The following R3HDM2 variants were observed in gnomAD, a reference collection of about 807,000 sequenced individuals.
The protein encoded by R3HDM2 is R3H domain containing 2.
In R3HDM2, 38 loss-of-function variants were observed where a neutral mutation model predicts 124.5. The observed-to-expected ratio is 0.31, with a 90% CI of 0.24 to 0.40. R3HDM2 has a LOEUF of 0.40. R3HDM2 is among the 10% of genes least tolerant of loss of function. The pLI is 1.00. For synonymous variants in R3HDM2, 391 were observed against 448.0 expected, an observed-to-expected ratio of 0.87 and a Z score of 1.61; for missense variants, 869 against 1,236.9, an observed-to-expected ratio of 0.70 and a Z score of 4.46.
At chr12:57,303,603 A>C (rs928855302) in intron 3 of R3HDM2, among the ~76,000 whole-genome samples, 2 of 151,784 alleles carry the variant, frequency 1.3e-5, no homozygotes, top group African/African-American at 4.8e-5. Context: ...AAAACCAAAA[A>C]GACAAAGAAA....
At chr12:57,358,699 T>C (rs895077084) in intron 2 of R3HDM2, among the ~76,000 whole-genome samples, 1 of 151,850 alleles carries the variant, frequency 6.6e-6, no homozygotes, top group Non-Finnish European at 1.5e-5. Context: ...GCCCAAGATA[T>C]GGTCTATTTT....
Position 57,323,278 on chromosome 12 carries a change from C to G in R3HDM2, c.-35-12815G>C, listed in dbSNP as rs983316544. On this transcript the variant is annotated intron_variant, in intron 2 of 23. Transcript: ENST00000402412. The stretch of plus-strand genomic sequence containing the variant: ...TGCCTAACAGCCGTTTGGAGAAGGA[C>G]AGGAAGGAAGGTCCTACTGAGTTAT... Among the ~76,000 whole-genome samples the G allele has an allele frequency of 2.0e-5, 3 of 152,238 alleles. No individual in the cohort carries two copies. In the East Asian group the frequency reaches 5.8e-4, roughly 29 times the overall value.
chr12:57,418,621 C>T (rs980534666), intron 1 of R3HDM2, among the ~76,000 whole-genome samples: 1 of 149,258 alleles, frequency 6.7e-6, no homozygotes, highest in African/African-American at 2.5e-5. Context: ...TACAGTGGTG[C>T]GATCTCAGCT....
At chr12:57,332,547 G>C (rs2058349615) in intron 2 of R3HDM2, among the ~76,000 whole-genome samples, 1 of 151,986 alleles carries the variant, frequency 6.6e-6, no homozygotes. Context: ...TTCAGATCAG[G>C]ATGGCTTTCC....
intron 2 of R3HDM2, among the ~76,000 whole-genome samples, chr12:57,364,143 C>CTTTTTTTTTTTTTTTTTTTTTT: frequency 1.2e-5 from 1 of 81,670 alleles, no homozygotes. Context: ...GACTCGGTGT[C>CTTTTTTTTTTTTTTTTTTTTTT]TTTTTTTTTT....
At chr12:57,412,072 C>T (rs2069055447) in intron 1 of R3HDM2, among the ~76,000 whole-genome samples, 1 of 152,148 alleles carries the variant, frequency 6.6e-6, no homozygotes, top group African/African-American at 2.4e-5. Flanking sequence ...CCTGGCCATT[C>T]GAAACTGTGA....
In R3HDM2 at chr12:57,310,399, G is replaced by A. The variant is rs745987933; in HGVS notation, c.30C>T (p.Thr10=). The part of the protein sequence containing the change: MSNSNTTQE[T]LEIMKESEKK... ...TTTCTGATTCTTTCATTATTTCCAG[G>A]GTCTCTTGAGTAGTGTTACTGTTAG... The change falls in exon 3 of 24, where the codon ACC becomes ACT. Residue 10 remains threonine (T), a synonymous_variant. Transcript: ENST00000402412. The A allele has an allele frequency of 1.3e-6, 2 of 1,546,218 alleles. No homozygotes were observed. The highest frequency in any genetic ancestry group is 2.4e-5 in the South Asian group (2 of 83,248).
At chr12:57,328,608 G>A (rs953012199) in intron 2 of R3HDM2, among the ~76,000 whole-genome samples, 6 of 152,164 alleles carry the variant, frequency 3.9e-5, no homozygotes, top group Non-Finnish European at 8.8e-5. Context: ...TGCAATCATA[G>A]TGTCCCACAG....
At chr12:57,398,089 G>A (rs2067730953) in intron 1 of R3HDM2, among the ~76,000 whole-genome samples, 1 of 151,666 alleles carries the variant, frequency 6.6e-6, no homozygotes, top group Admixed American at 6.6e-5. Flanking sequence ...GGCTGAAGCA[G>A]GAAATCGCTT....
chr12:57,413,332 G>A lies in R3HDM2; in HGVS notation c.-106+17388C>T, dbSNP rs985287615. On this transcript the variant is annotated intron_variant, in intron 1 of 23. Transcript: ENST00000402412. Reference sequence around the variant, plus strand: ...GTTAAGGCTAGGCATGGTAGCTCATGTCTGTACTCCCAACACTTTGGGATG... The same window carrying A: ...GTTAAGGCTAGGCATGGTAGCTCATATCTGTACTCCCAACACTTTGGGATG... 1.5e-4 allele frequency among the ~76,000 whole-genome samples: 22 copies of A among 150,702 alleles called. 1 individual carries two copies. Among genetic ancestry groups the A allele is most frequent in the Non-Finnish European group, 2.9e-5 (2 of 67,884 alleles).
At chr12:57,336,564 C>T (rs2058870630) in intron 2 of R3HDM2, among the ~76,000 whole-genome samples, 1 of 152,100 alleles carries the variant, frequency 6.6e-6, no homozygotes, top group Non-Finnish European at 1.5e-5. Context: ...AAGGCAGGAA[C>T]AGAAAACCAA....
intron 2 of R3HDM2, among the ~76,000 whole-genome samples, chr12:57,381,344 G>A (rs1305388428): frequency 6.6e-6 from 1 of 152,054 alleles, no homozygotes; most frequent in Non-Finnish European, 1.5e-5. Flanking sequence ...ACAAGGTCAG[G>A]AGTTTAAGAC....
chr12:57,321,537 A>G (rs2056444939), intron 2 of R3HDM2, among the ~76,000 whole-genome samples: 1 of 152,142 alleles, frequency 6.6e-6, no homozygotes, highest in Non-Finnish European at 1.5e-5. Flanking sequence ...CTGTAATCCC[A>G]GCTACTCGGG....
intron 2 of R3HDM2, among the ~76,000 whole-genome samples, chr12:57,357,482 T>C (rs955337856): frequency 6.6e-5 from 10 of 151,178 alleles, no homozygotes; most frequent in Non-Finnish European, 1.3e-4. Flanking sequence ...AAAAAAGGAA[T>C]GGTTCATGAT....
At position 57,363,746 on chromosome 12, in the gene R3HDM2, C is replaced by T. The variant is rs145370948; in HGVS notation, c.-36+32003G>A. On this transcript the variant is annotated intron_variant, in intron 2 of 23. Transcript: ENST00000402412. ...AAAAGGCTGAGTGTAGAGGCATGTG[C>T]CTATATTCCCAGCTACTTAGGAGGC... Among the ~76,000 whole-genome samples the T allele has an allele frequency of 9.9e-5, 15 of 151,910 alleles. No homozygotes were observed. The East Asian group carries it at 2.3e-3, about 24-fold the overall frequency.
At chr12:57,333,028 G>A (rs528974896) in intron 2 of R3HDM2, among the ~76,000 whole-genome samples, 18 of 152,256 alleles carry the variant, frequency 1.2e-4, no homozygotes, top group African/African-American at 3.6e-4. Flanking sequence ...GAAGGGAAAC[G>A]CAAAACTCTT....
At chr12:57,420,227 T>C (rs2070056800) in intron 1 of R3HDM2, among the ~76,000 whole-genome samples, 1 of 152,218 alleles carries the variant, frequency 6.6e-6, no homozygotes, top group Non-Finnish European at 1.5e-5. Context: ...GTTTGTCATC[T>C]TAAAAAACTC....
At chr12:57,303,092 A>G (rs1420308145) in intron 4 of R3HDM2, 84 bp downstream of exon 4, 6 of 1,302,098 alleles carry the variant, frequency 4.6e-6, no homozygotes, top group Non-Finnish European at 2.2e-6. Flanking sequence ...ACATAATTTG[A>G]ACAAACTAGA....
intron 2 of R3HDM2, among the ~76,000 whole-genome samples, chr12:57,387,606 C>T (rs961767199): frequency 6.6e-6 from 1 of 152,194 alleles, no homozygotes; most frequent in African/African-American, 2.4e-5. Context: ...AAGACAAAAG[C>T]TCTCTGGAGA....
Sources: gnomAD v4.1 joint callset for allele counts (sites outside exome capture counted in the v4.1 genomes callset) on GRCh38, gnomAD v4.1.1 for gene constraint, MANE v1.5 for transcripts, NCBI Gene and HGNC (gene_info 2026-07-23, HGNC 2026-07-21) for gene names.